DOP1B: variants seen among roughly 807,000 people sequenced by gnomAD.
The protein encoded by DOP1B is DOP1 leucine zipper like protein B.
Under a neutral mutation model 233.5 loss-of-function variants are expected in DOP1B, and 174 were observed. The ratio of observed to expected loss-of-function variants is 0.75; its 90% CI spans 0.66 to 0.85. DOP1B has a LOEUF of 0.85. DOP1B is among the 40% of genes least tolerant of loss of function. The pLI, the probability that DOP1B is intolerant of heterozygous loss-of-function variation, is 0.00. For missense variants in DOP1B, 2,652 were observed against 2,846.6 expected (o/e 0.93, Z 1.56); for synonymous variants, 1,190 against 1,185.6 (o/e 1.00, Z -0.08).
intron 2 of DOP1B, among the ~76,000 whole-genome samples, chr21:36,180,538 T>C (rs1051053323): frequency 2.0e-5 from 3 of 150,656 alleles, no homozygotes; most frequent in African/African-American, 7.3e-5. Context: ...GCCTGGGCAA[T>C]AGACGGCGCT....
intron 1 of DOP1B, among the ~76,000 whole-genome samples, chr21:36,162,423 G>A (rs540372683): frequency 2.4e-4 from 36 of 152,276 alleles, no homozygotes; most frequent in Admixed American, 8.5e-4. Flanking sequence ...TCAAACTCCT[G>A]GACTCAAGTG....
intron 5 of DOP1B, among the ~76,000 whole-genome samples, chr21:36,210,535 C>T (rs1008532561): frequency 6.6e-6 from 1 of 152,142 alleles, no homozygotes; most frequent in Admixed American, 6.5e-5. Context: ...GTCCCAGCTA[C>T]TCAGGAGGCT....
In DOP1B at chr21:36,281,601, A is replaced by G. The variant is rs760519481; in HGVS notation, c.6150A>G (p.Pro2050=). 1.9e-6 allele frequency: 3 copies of G among 1,592,968 alleles called. No individual in the cohort carries two copies. The highest frequency in any genetic ancestry group is 1.7e-5 in the Admixed American group (1 of 59,512). The change falls in exon 32 of 37, where the codon CCA becomes CCG. Residue 2050 remains proline, a synonymous_variant. Transcript: ENST00000691173. ...TTGATCAATACCACCTTTACCTTCCACTGATACAAGGTAAGACAGCTGTCT... is the reference window on the plus strand; with the variant it reads ...TTGATCAATACCACCTTTACCTTCCGCTGATACAAGGTAAGACAGCTGTCT... ...GELDQYHLYL[P]LIQERLTDNL...
intron 2 of DOP1B, among the ~76,000 whole-genome samples, chr21:36,173,461 G>A (rs1269056112): frequency 2.1e-5 from 3 of 144,410 alleles, no homozygotes; most frequent in East Asian, 4.1e-4. Flanking sequence ...TTGCTCTGTC[G>A]CCCAGGCTGG....
intron 2 of DOP1B, among the ~76,000 whole-genome samples, chr21:36,184,650 C>G (rs2066142418): frequency 6.6e-6 from 1 of 152,250 alleles, no homozygotes; most frequent in Non-Finnish European, 1.5e-5. Flanking sequence ...TCGTGGAGAG[C>G]TGTGTGCTTC....
At chr21:36,243,847 A>AT (rs1173356736) in intron 18 of DOP1B, among the ~76,000 whole-genome samples, 1 of 151,042 alleles carries the variant, frequency 6.6e-6, no homozygotes, top group Admixed American at 6.6e-5. Flanking sequence ...TAGCTTTTAA[A>AT]TTTTTTCTAG....
intron 26 of DOP1B, among the ~76,000 whole-genome samples, chr21:36,267,520 C>A (rs1226145922): frequency 1.3e-5 from 2 of 151,382 alleles, no homozygotes; most frequent in Non-Finnish European, 2.9e-5. Flanking sequence ...CCCATCTCTA[C>A]AAGAAATTTA....
At position 36,245,696 on chromosome 21, in the gene DOP1B, G is replaced by C. The variant is rs139303926; in HGVS notation, c.3716G>C (p.Arg1239Pro). The C allele has an allele frequency of 1.2e-6, 2 of 1,613,616 alleles. No homozygotes were observed. The highest frequency in any genetic ancestry group is 2.2e-5 in the East Asian group (1 of 44,876). Reference sequence around the variant, plus strand: ...TACCTGCAGCCCTACGACTCTCGGCGGGTCCTCTATGCCTTCTCGGTGCTG... The same window carrying C: ...TACCTGCAGCCCTACGACTCTCGGCCGGTCCTCTATGCCTTCTCGGTGCTG... Reference protein sequence around the residue: ...LLYLQPYDSRRVLYAFSVLEA... With the variant: ...LLYLQPYDSRPVLYAFSVLEA... Residue 1239 changes from arginine (R) to proline (P), a missense_variant, in exon 19 of 37, where the codon CGG (arginine) becomes CCG (proline). Arg to Pro is a moderately radical substitution (Grantham distance 103). Transcript: ENST00000691173. The surrounding 1 kb of genome is among the most constrained non-coding windows in gnomAD (Gnocchi z 5.5).
intron 4 of DOP1B, 39 bp from the exon 5 acceptor site, chr21:36,208,676 T>C: frequency 1.3e-6 from 2 of 1,592,536 alleles, no homozygotes; most frequent in Non-Finnish European, 1.7e-6. Flanking sequence ...CTCGGGAAGA[T>C]GGGGCGAGCC....
chr21:36,187,670 G>T (rs552170347), intron 2 of DOP1B, among the ~76,000 whole-genome samples: 1 of 151,998 alleles, frequency 6.6e-6, no homozygotes, highest in African/African-American at 2.4e-5. Flanking sequence ...GCAGAGGTGC[G>T]ATCGTAGCTC....
rs752896540 is a variant in DOP1B at position 36,230,852 on chromosome 21, C to T, written c.2068C>T (p.Pro690Ser). ...TTGGGAGCCCAAGCCCATCACTGTG[C>T]CTCAGTTCAAGCAGATGCTGTCAGA... Reference protein sequence around the residue: ...NSWEPKPITVPQFKQMLSDLF... With the variant: ...NSWEPKPITVSQFKQMLSDLF... Residue 690 changes from proline to serine, a missense_variant, in exon 14 of 37, where the codon CCT (proline) becomes TCT (serine). This residue lies in a region of DOP1B where 2,617 missense variants were observed against 2,794.3 expected (regional missense o/e 0.94). Coordinates refer to ENST00000691173, the MANE Select transcript of DOP1B (RefSeq NM_001320714.2). 4.3e-6 allele frequency: 7 copies of T among 1,613,944 alleles called. No homozygotes were observed. In the African/African-American group the frequency reaches 8.0e-5, roughly 18 times the overall value.
intron 23 of DOP1B, among the ~76,000 whole-genome samples, chr21:36,256,556 G>A (rs1288977904): frequency 6.6e-6 from 1 of 152,198 alleles, no homozygotes; most frequent in African/African-American, 2.4e-5. Flanking sequence ...CCAAAAGGTG[G>A]ACGCAATCCC....
chr21:36,176,337 C>T (rs1209328521), intron 2 of DOP1B, among the ~76,000 whole-genome samples: 1 of 152,040 alleles, frequency 6.6e-6, no homozygotes, highest in Non-Finnish European at 1.5e-5. Flanking sequence ...ACTCCTTATC[C>T]CTGCTGGCCA....
rs181784417 is a variant in DOP1B, at chr21:36,172,078, G to A, written c.138+7207G>A. Among the ~76,000 whole-genome samples, 26 of 152,270 alleles carry A rather than the reference G, an allele frequency of 1.7e-4. No homozygotes were observed. In the East Asian group the frequency reaches 4.6e-3, roughly 27 times the overall value. On this transcript the variant is annotated intron_variant, in intron 2 of 36. Coordinates refer to ENST00000691173, the MANE Select transcript of DOP1B (RefSeq NM_001320714.2). ...GTGAAGTGAGCAAGCTGGTGGGAAG[G>A]GCAATCTGGGGCATGGGCCTGTGTC...
chr21:36,176,087 G>GGTGTGTGTGTGTGTGTGTGTGT (rs1032491278), intron 2 of DOP1B, among the ~76,000 whole-genome samples: 3 of 96,530 alleles, frequency 3.1e-5, no homozygotes, highest in Admixed American at 2.2e-4. Context: ...TCGACTTTGG[G>GGTGTGTGTGTGTGTGTGTGTGT]GTGTGTGTGC....
intron 12 of DOP1B, among the ~76,000 whole-genome samples, chr21:36,226,323 G>C (rs1213289383): frequency 6.6e-6 from 1 of 150,464 alleles, no homozygotes; most frequent in African/African-American, 2.5e-5. Context: ...CTGTGACAGA[G>C]TTTTGCTCTT....
At chr21:36,189,232 A>G (rs570868082) in intron 2 of DOP1B, among the ~76,000 whole-genome samples, 24 of 152,256 alleles carry the variant, frequency 1.6e-4, no homozygotes, top group African/African-American at 5.1e-4. Context: ...TTTTTCAAAC[A>G]TACTTTATAC....
intron 2 of DOP1B, among the ~76,000 whole-genome samples, chr21:36,183,503 G>A (rs925129730): frequency 6.6e-5 from 10 of 152,208 alleles, no homozygotes; most frequent in East Asian, 1.9e-4. Context: ...TGACGTGGAC[G>A]TACTTGTCTG....
intron 2 of DOP1B, among the ~76,000 whole-genome samples, chr21:36,198,850 G>T (rs1242381220): frequency 2.0e-5 from 3 of 152,164 alleles, no homozygotes; most frequent in African/African-American, 7.2e-5. Context: ...CGAGAAGCTG[G>T]CCACCTACTA....
Sources: allele counts gnomAD v4.1 joint callset (sites outside exome capture counted in the v4.1 genomes callset), GRCh38; gene constraint gnomAD v4.1.1; regional missense constraint gnomAD v4.1.1; non-coding constraint Gnocchi (gnomAD v3.1); transcripts MANE v1.5; gene names NCBI Gene and HGNC (gene_info 2026-07-23, HGNC 2026-07-21).